Variants in KCNH5 observed in about 807,000 individuals in gnomAD.
The protein encoded by KCNH5 is voltage-gated delayed rectifier potassium channel KCNH5.
In KCNH5, 46 loss-of-function variants were observed where a neutral mutation model predicts 96.1. The ratio of observed to expected loss-of-function variants is 0.48; its 90% CI spans 0.38 to 0.61. The LOEUF is 0.61. KCNH5 is among the 20% of genes least tolerant of loss of function. The pLI is 0.00. For synonymous variants in KCNH5, 439 were observed against 449.8 expected (o/e 0.98, Z 0.30); for missense variants, 907 against 1,225.8 (o/e 0.74, Z 3.88).
At chr14:62,824,935 G>A (rs111352276) in intron 8 of KCNH5, among the ~76,000 whole-genome samples, 8 of 152,054 alleles carry the variant, frequency 5.3e-5, no homozygotes, top group East Asian at 3.9e-4. Flanking sequence ...CAAAGGACAC[G>A]ATTTCATTGT....
chr14:62,814,452 A>G (rs1283514378), intron 8 of KCNH5, among the ~76,000 whole-genome samples: 4 of 152,150 alleles, frequency 2.6e-5, no homozygotes, highest in Non-Finnish European at 5.9e-5. Context: ...TAAAATTAGA[A>G]ATATACTTTT....
At chr14:62,756,723 G>T (rs753489308) in intron 10 of KCNH5, among the ~76,000 whole-genome samples, 13 of 152,136 alleles carry the variant, frequency 8.5e-5, no homozygotes, top group Non-Finnish European at 1.5e-4. Flanking sequence ...TCAATAAATT[G>T]TGCTGGGAAA....
intron 8 of KCNH5, among the ~76,000 whole-genome samples, chr14:62,835,610 A>G (rs1490796739): frequency 6.6e-6 from 1 of 152,080 alleles, no homozygotes; most frequent in Non-Finnish European, 1.5e-5. Flanking sequence ...GCTTTAGTCA[A>G]TTTGAAACTT....
At position 63,024,208 on chromosome 14, in the gene KCNH5, C is replaced by CAAAAAAAAAAAAAAAAA. The variant is rs574336970; in HGVS notation, c.74-7255_74-7254insTTTTTTTTTTTTTTTTT. Among the ~76,000 whole-genome samples, 20 of 140,276 alleles carry CAAAAAAAAAAAAAAAAA rather than the reference C, an allele frequency of 1.4e-4. 1 individual carries two copies. The highest frequency in any genetic ancestry group is 6.5e-4 in the South Asian group (3 of 4,618). The allele number at this position is 140,276 out of a possible 152,430, so 92.0% of individuals were successfully genotyped here. On this transcript the variant is annotated intron_variant, in intron 1 of 10. Transcript: ENST00000322893. ...TGGGCAATAGAGTGAGACTCCATCT[C>CAAAAAAAAAAAAAAAAA]AAAAAATATATATATATATATCTTG...
At chr14:62,724,205 C>T (rs1884874980) in intron 10 of KCNH5, among the ~76,000 whole-genome samples, 1 of 152,070 alleles carries the variant, frequency 6.6e-6, no homozygotes, top group Non-Finnish European at 1.5e-5. Context: ...TGATAACTTC[C>T]TTTGCCGGAG....
At chr14:62,970,045 A>G (rs993256738) in intron 6 of KCNH5, among the ~76,000 whole-genome samples, 1 of 116,430 alleles carries the variant, frequency 8.6e-6, no homozygotes, top group Non-Finnish European at 1.8e-5. Flanking sequence ...GACTCCGTCT[A>G]AAAAAAAAAA....
intron 6 of KCNH5, among the ~76,000 whole-genome samples, chr14:62,960,653 T>C (rs1052749343): frequency 6.6e-6 from 1 of 152,142 alleles, no homozygotes; most frequent in Non-Finnish European, 1.5e-5. Flanking sequence ...CATTTCCTTT[T>C]GTAGAGTGCA....
intron 2 of KCNH5, 140 bp from the exon 3 acceptor site, chr14:63,006,612 G>T: frequency 1.7e-6 from 1 of 587,204 alleles, no homozygotes; most frequent in Non-Finnish European, 3.1e-6. Flanking sequence ...GTCAAATCAT[G>T]AGAGGCAGTT....
chr14:62,900,575 T>G (rs939906940), intron 7 of KCNH5, among the ~76,000 whole-genome samples: 1 of 152,100 alleles, frequency 6.6e-6, no homozygotes, highest in Non-Finnish European at 1.5e-5. Context: ...CATGTTAAAT[T>G]TGGTGGTAAA....
At chr14:62,739,101 T>C (rs1355696454) in intron 10 of KCNH5, among the ~76,000 whole-genome samples, 1 of 152,166 alleles carries the variant, frequency 6.6e-6, no homozygotes, top group African/African-American at 2.4e-5. Context: ...AGGTACAATA[T>C]GAATATTTAA....
chr14:62,979,522 C>T (rs1011670832), intron 6 of KCNH5, among the ~76,000 whole-genome samples: 1 of 151,808 alleles, frequency 6.6e-6, no homozygotes, highest in African/African-American at 2.4e-5. Context: ...TCCCAACACA[C>T]ATAGAGAAAT....
At chr14:62,801,657 C>T (rs562532037) in intron 9 of KCNH5, among the ~76,000 whole-genome samples, 64 of 151,990 alleles carry the variant, frequency 4.2e-4, no homozygotes, top group Non-Finnish European at 8.5e-4. Flanking sequence ...TTCTAAAATG[C>T]TCTAAATTTT....
chr14:62,995,954 A>T (rs1890898906), intron 4 of KCNH5, among the ~76,000 whole-genome samples: 1 of 152,162 alleles, frequency 6.6e-6, no homozygotes, highest in South Asian at 2.1e-4. Flanking sequence ...TTCCTGTAAG[A>T]GTCCTGAACA....
chr14:62,928,398 A>G, intron 7 of KCNH5, among the ~76,000 whole-genome samples: 1 of 152,098 alleles, frequency 6.6e-6, no homozygotes, highest in South Asian at 2.1e-4. Flanking sequence ...ATGACTGACA[A>G]TTAATGAGCA....
rs921524092 is a variant in KCNH5 at position 62,786,373 on chromosome 14, A to G, written c.1823-6449T>C. Among the ~76,000 whole-genome samples the G allele has an allele frequency of 7.9e-5, 12 of 152,284 alleles. 1 individual carries two copies. The highest frequency in any genetic ancestry group is 6.2e-4 in the South Asian group (3 of 4,822). On this transcript the variant is annotated intron_variant, in intron 9 of 10. Coordinates refer to ENST00000322893, the MANE Select transcript of KCNH5 (RefSeq NM_139318.5). ...TTTTTCTATATAATGAACTTAATCC[A>G]TGCCTTCACTTCTTTTTTTAGTAAG...
chr14:62,729,982 G>C (rs571017558), intron 10 of KCNH5, among the ~76,000 whole-genome samples: 1 of 152,264 alleles, frequency 6.6e-6, no homozygotes, highest in Non-Finnish European at 1.5e-5. Context: ...ATGTTACCGT[G>C]TTACAATACT....
At chr14:62,972,699 C>G (rs958471168) in intron 6 of KCNH5, among the ~76,000 whole-genome samples, 9 of 151,900 alleles carry the variant, frequency 5.9e-5, no homozygotes, top group Non-Finnish European at 1.0e-4. Context: ...AGCTATCAAG[C>G]CTTGAAAAAA....
intron 6 of KCNH5, among the ~76,000 whole-genome samples, chr14:62,980,075 C>CG (rs1311135507): frequency 1.3e-5 from 2 of 152,170 alleles, no homozygotes; most frequent in Admixed American, 6.5e-5. Context: ...GCAGTTTCCC[C>CG]TGTGCTCCTT....
intron 9 of KCNH5, among the ~76,000 whole-genome samples, chr14:62,789,877 C>T (rs1246591162): frequency 6.6e-6 from 1 of 151,666 alleles, no homozygotes; most frequent in African/African-American, 2.4e-5. Flanking sequence ...TGATTGTTTC[C>T]CTTGCTGTAC....
Sources: allele counts gnomAD v4.1 joint callset (sites outside exome capture counted in the v4.1 genomes callset), GRCh38; gene constraint gnomAD v4.1.1; transcripts MANE v1.5; gene names NCBI Gene and HGNC (gene_info 2026-07-23, HGNC 2026-07-21).